OTUD7A: variants seen among roughly 807,000 people sequenced by gnomAD.
OTUD7A encodes the protein OTU deubiquitinase 7A.
Under a neutral mutation model 65.7 loss-of-function variants are expected in OTUD7A, and 12 were observed. The observed-to-expected ratio is 0.18, with a 90% CI of 0.12 to 0.30. OTUD7A has a LOEUF of 0.30. Ranked by LOEUF, OTUD7A falls within the 10% of genes least tolerant of loss-of-function variation. The probability of loss-of-function intolerance (pLI) is 1.00; values close to 1 mark genes in which losing one functional copy is unlikely to be tolerated. For missense variants in OTUD7A, 1,148 were observed against 1,304.8 expected (o/e 0.88, Z 1.85); for synonymous variants, 641 against 586.3 (o/e 1.09, Z -1.35).
intron 1 of OTUD7A, among the ~76,000 whole-genome samples, chr15:31,802,728 G>C (rs1277965533): frequency 6.6e-6 from 1 of 152,166 alleles, no homozygotes; most frequent in Admixed American, 6.5e-5. Flanking sequence ...TTTTTTAATA[G>C]ACCGGCTTAT....
intron 1 of OTUD7A, among the ~76,000 whole-genome samples, chr15:31,685,240 A>G (rs1180646082): frequency 6.6e-6 from 1 of 152,242 alleles, no homozygotes; most frequent in Non-Finnish European, 1.5e-5. Flanking sequence ...TATGACTTTT[A>G]CTGCCTAGTA....
At chr15:31,670,247 A>G (rs1421149015) in intron 1 of OTUD7A, among the ~76,000 whole-genome samples, 2 of 151,868 alleles carry the variant, frequency 1.3e-5, no homozygotes, top group African/African-American at 4.9e-5. Flanking sequence ...GAACACACAC[A>G]TGCATGTATC....
chr15:31,662,161 C>CA (rs1892182955), intron 1 of OTUD7A, among the ~76,000 whole-genome samples: 1 of 152,166 alleles, frequency 6.6e-6, no homozygotes, highest in African/African-American at 2.4e-5. Flanking sequence ...CTAGACCCAG[C>CA]AATTCAAGAG....
chr15:31,552,044 G>T (rs1888341585), intron 5 of OTUD7A, among the ~76,000 whole-genome samples: 1 of 152,222 alleles, frequency 6.6e-6, no homozygotes, highest in Admixed American at 6.5e-5. Flanking sequence ...ATGGCAGGGT[G>T]CCATCCTCGC....
chr15:31,584,888 C>T (rs149934479), intron 3 of OTUD7A, among the ~76,000 whole-genome samples: 1 of 152,156 alleles, frequency 6.6e-6, no homozygotes, highest in Non-Finnish European at 1.5e-5. Context: ...CCTATGTGCC[C>T]TCTTGCTTCC....
At chr15:31,493,693 C>G (rs189842459) in intron 10 of OTUD7A, among the ~76,000 whole-genome samples, 4 of 152,252 alleles carry the variant, frequency 2.6e-5, no homozygotes, top group Non-Finnish European at 5.9e-5. Context: ...AACTATAAAC[C>G]AGTAACGAAT....
chr15:31,785,841 G>T (rs2140931696), intron 1 of OTUD7A, among the ~76,000 whole-genome samples: 1 of 152,344 alleles, frequency 6.6e-6, no homozygotes, highest in South Asian at 2.1e-4. Context: ...TCCTTGGCCA[G>T]AGAATTAAAT....
At chr15:31,837,372 C>CAAAAAAAAAA (rs57479397) in intron 1 of OTUD7A, among the ~76,000 whole-genome samples, 4 of 120,322 alleles carry the variant, frequency 3.3e-5, no homozygotes, top group African/African-American at 9.7e-5. Context: ...ACTAAAAATA[C>CAAAAAAAAAA]AAAAAAAAAA....
chr15:31,496,132 C>T (rs932945830), intron 10 of OTUD7A, among the ~76,000 whole-genome samples: 6 of 151,126 alleles, frequency 4.0e-5, no homozygotes, highest in African/African-American at 1.2e-4. Context: ...TGATTCTTAC[C>T]GTAATGTCTT....
intron 1 of OTUD7A, among the ~76,000 whole-genome samples, chr15:31,786,865 G>A (rs1476377503): frequency 1.3e-5 from 2 of 152,212 alleles, no homozygotes; most frequent in East Asian, 1.9e-4. Context: ...GACTGTAACC[G>A]CCCCCCTTCA....
At position 31,860,697 on chromosome 15, in the gene OTUD7A, A is replaced by ATATATATATATATG. The variant is rs1417556267; in HGVS notation, c.-100+9809_-100+9810insCATATATATATATA. Among the ~76,000 whole-genome samples the ATATATATATATATG allele has an allele frequency of 4.9e-4, 64 of 129,746 alleles. 3 individuals carry two copies. The East Asian group carries it at 8.2e-3, about 17-fold the overall frequency. The allele number at this position is 129,746 out of a possible 152,430, so 85.1% of individuals were successfully genotyped here. ...TGTGTGTATATATATATATATATATATATGTATGTATATATATATATTTTT... is the reference window on the plus strand; with the variant it reads ...TGTGTGTATATATATATATATATATATATATATATATATGTATGTATGTATATATATATATTTTT... On this transcript the variant is annotated intron_variant, in intron 1 of 12. Coordinates refer to ENST00000307050, the MANE Select transcript of OTUD7A (RefSeq NM_001382637.1).
intron 1 of OTUD7A, among the ~76,000 whole-genome samples, chr15:31,736,831 G>C (rs1055710839): frequency 6.6e-6 from 1 of 150,760 alleles, no homozygotes; most frequent in Non-Finnish European, 1.5e-5. Context: ...CTTTTTTTTG[G>C]GGGGGCGGGG....
chr15:31,598,142 G>A (rs560803974), intron 3 of OTUD7A, among the ~76,000 whole-genome samples: 18 of 152,310 alleles, frequency 1.2e-4, no homozygotes, highest in African/African-American at 2.4e-4. Context: ...GTCAGCCAGC[G>A]AAGTTCCACC....
chr15:31,638,378 CTTTTT>C (rs34239466), intron 3 of OTUD7A, among the ~76,000 whole-genome samples: 3 of 134,550 alleles, frequency 2.2e-5, no homozygotes, highest in Non-Finnish European at 3.1e-5. Context: ...ATAAAGATAA[CTTTTT>C]TTTTTTTTTT....
chr15:31,853,257 C>T (rs1025575715), intron 1 of OTUD7A, among the ~76,000 whole-genome samples: 1 of 152,188 alleles, frequency 6.6e-6, no homozygotes, highest in Non-Finnish European at 1.5e-5. Context: ...ACAAGCAAAA[C>T]CCCTCAGCAT....
intron 1 of OTUD7A, among the ~76,000 whole-genome samples, chr15:31,746,721 C>T (rs1567000361): frequency 6.6e-6 from 1 of 152,146 alleles, no homozygotes; most frequent in African/African-American, 2.4e-5. Context: ...GTCTCGAACT[C>T]CTGACCTCAG....
intron 1 of OTUD7A, among the ~76,000 whole-genome samples, chr15:31,703,614 G>A (rs1893263040): frequency 6.6e-6 from 1 of 152,154 alleles, no homozygotes; most frequent in Admixed American, 6.5e-5. Flanking sequence ...TCACTCACAT[G>A]CTGTTTGTGG....
chr15:31,633,941 G>C (rs1891256878), intron 3 of OTUD7A, among the ~76,000 whole-genome samples: 1 of 152,160 alleles, frequency 6.6e-6, no homozygotes, highest in Admixed American at 6.5e-5. Context: ...AGGTTTTGTT[G>C]AGTGGCCTCC....
chr15:31,510,199 A>G (rs2041663345), intron 8 of OTUD7A, among the ~76,000 whole-genome samples: 1 of 151,624 alleles, frequency 6.6e-6, no homozygotes, highest in Admixed American at 6.6e-5. Context: ...GCCCAGGGCC[A>G]TCACTGGCCC....
Sources: gnomAD v4.1 joint callset for allele counts (sites outside exome capture counted in the v4.1 genomes callset) on GRCh38, gnomAD v4.1.1 for gene constraint, MANE v1.5 for transcripts, NCBI Gene and HGNC (gene_info 2026-07-23, HGNC 2026-07-21) for gene names.